The following TPM3 variants were observed in gnomAD, a reference collection of about 807,000 sequenced individuals.
The protein encoded by TPM3 is tropomyosin alpha-3 chain.
Under a neutral mutation model 43.1 loss-of-function variants are expected in TPM3, and 16 were observed. That is an observed-to-expected ratio of 0.37 (90% CI 0.25 to 0.56). The LOEUF (loss-of-function observed/expected upper bound fraction) is 0.56. TPM3 is among the 20% of genes least tolerant of loss of function. The pLI, the probability that TPM3 is intolerant of heterozygous loss-of-function variation, is 0.77. For missense variants in TPM3, 176 were observed against 337.2 expected (o/e 0.52, Z 3.74); for synonymous variants, 101 against 116.9 (o/e 0.86, Z 0.88).
Position 154,165,789 on chromosome 1 carries a change from CAAAAA to C in TPM3, c.*2143_*2147del, listed in dbSNP as rs68185418. Among the ~76,000 whole-genome samples, 1 of 82,228 alleles carries C rather than the reference CAAAAA, an allele frequency of 1.2e-5. No homozygotes were observed. 53.9% of individuals were successfully genotyped at this position (82,228 alleles called of 152,430 possible). A position where few individuals can be genotyped will look rare whatever the true frequency, so the allele number is the denominator to read the frequency against. ...AGGTGACAAGAGTCAAACTCCGTCT[CAAAAA>C]AAAAAAAAAAAAGAAAAAAAGAAAA... On this transcript the variant is annotated 3_prime_UTR_variant, in exon 10 of 10. Transcript: ENST00000651641.
intron 2 of TPM3, among the ~76,000 whole-genome samples, chr1:154,176,653 G>GAAAAAA (rs57237877): frequency 7.8e-6 from 1 of 129,030 alleles, no homozygotes; most frequent in South Asian, 2.4e-4. Flanking sequence ...CATAAAGCAG[G>GAAAAAA]AAAAAAAAAA....
rs1288045011 is a variant in TPM3 at position 154,164,029 on chromosome 1, C to T, written c.*3908G>A. ...ATATGGATTCCCAACTCTCTTATGT[C>T]AACCTCTCTGCCTCACGCCCTAGAA... On this transcript the variant is annotated 3_prime_UTR_variant, in exon 10 of 10. Coordinates refer to ENST00000651641, the MANE Select transcript of TPM3 (RefSeq NM_152263.4). Among the ~76,000 whole-genome samples, 1 of 152,104 alleles carries T rather than the reference C, an allele frequency of 6.6e-6. No individual in the cohort carries two copies. The highest frequency in any genetic ancestry group is 1.5e-5 in the Non-Finnish European group (1 of 68,022).
chr1:154,186,736 A>T lies in TPM3; in HGVS notation c.243+4450T>A, dbSNP rs1663427284. 2.0e-5 allele frequency among the ~76,000 whole-genome samples: 3 copies of T among 151,754 alleles called. 1 individual carries two copies. The highest frequency in any genetic ancestry group is 7.3e-5 in the African/African-American group (3 of 40,986). ...GACATTTAAAAATGGTTAAAATGGT[A>T]AGTTTTATGTATGCGTATTTTACCA... On this transcript the variant is annotated intron_variant, in intron 2 of 9. Transcript: ENST00000651641.
intron 2 of TPM3, 28 bp from the exon 3 acceptor site, chr1:154,176,276 G>T: frequency 1.2e-6 from 2 of 1,614,056 alleles, no homozygotes; most frequent in Non-Finnish European, 1.7e-6. Flanking sequence ...AATGGACAAG[G>T]GAAGCAGAGG....
At chr1:154,172,825 T>G (rs954673855) in intron 5 of TPM3, 83 bp downstream of exon 5, 10 of 1,518,324 alleles carry the variant, frequency 6.6e-6, no homozygotes, top group South Asian at 3.4e-5. Context: ...GTTGAAGGAA[T>G]GCTAATTTAT....
intron 3 of TPM3, among the ~76,000 whole-genome samples, chr1:154,173,851 T>C (rs1045081801): frequency 1.1e-4 from 17 of 151,432 alleles, no homozygotes; most frequent in African/African-American, 4.9e-5. Context: ...TAGCCAGGTG[T>C]GGTGGCAAGC....
intron 2 of TPM3, among the ~76,000 whole-genome samples, chr1:154,186,825 T>C (rs1258786231): frequency 1.3e-5 from 2 of 151,738 alleles, no homozygotes; most frequent in African/African-American, 2.4e-5. Context: ...CGCCTTGCCA[T>C]ACCCTTGCCC....
Position 154,165,660 on chromosome 1 carries a change from G to T in TPM3, c.*2277C>A, listed in dbSNP as rs531348440. 3.3e-5 allele frequency among the ~76,000 whole-genome samples: 5 copies of T among 151,474 alleles called. No homozygotes were observed. The highest frequency in any genetic ancestry group is 1.2e-4 in the African/African-American group (5 of 41,278). On this transcript the variant is annotated 3_prime_UTR_variant, in exon 10 of 10. Transcript: ENST00000651641. Reference sequence around the variant, plus strand: ...AAAAATTAGCTGGGTGTGGTGGCAGGCGCCTGTGATCTCAGCTACTCGGGA... The same window carrying T: ...AAAAATTAGCTGGGTGTGGTGGCAGTCGCCTGTGATCTCAGCTACTCGGGA...
chr1:154,180,768 A>T (rs1033079587), intron 2 of TPM3, among the ~76,000 whole-genome samples: 1 of 151,356 alleles, frequency 6.6e-6, no homozygotes, highest in Admixed American at 6.6e-5. Context: ...ATAAAATAAT[A>T]AAAAAAAATC....
intron 2 of TPM3, among the ~76,000 whole-genome samples, chr1:154,184,326 T>G (rs1663293276): frequency 6.6e-6 from 1 of 152,120 alleles, no homozygotes. Flanking sequence ...TCCCTGTTAC[T>G]TTTGAGAGTC....
intron 2 of TPM3, among the ~76,000 whole-genome samples, chr1:154,178,995 T>C (rs1662652003): frequency 6.6e-6 from 1 of 152,186 alleles, no homozygotes; most frequent in Non-Finnish European, 1.5e-5. Context: ...GGCAAGAAAC[T>C]GACAGTGTGA....
chr1:154,171,430 C>T lies in TPM3; in HGVS notation c.625G>A (p.Glu209Lys). The T allele has an allele frequency of 6.2e-7, 1 of 1,614,156 alleles. No individual in the cohort carries two copies. Among genetic ancestry groups the T allele is most frequent in the Non-Finnish European group, 8.5e-7 (1 of 1,180,004 alleles). Residue 209 changes from glutamate to lysine, a missense_variant, in exon 6 of 10, where the codon GAG (glutamate) becomes AAG (lysine). This residue lies in a region of TPM3 where 53 missense variants were observed against 98.3 expected (regional missense o/e 0.54). Transcript: ENST00000651641. ...KNVTNNLKSL[E>K]AQAEKYSQKE... ...GCCCCTACCTTCTCCGCCTGAGCCTCAAGAGACTTGAGGTTGTTGGTGACA... is the reference window on the plus strand; with the variant it reads ...GCCCCTACCTTCTCCGCCTGAGCCTTAAGAGACTTGAGGTTGTTGGTGACA...
chr1:154,168,749 C>G (rs1439030139), intron 9 of TPM3, among the ~76,000 whole-genome samples: 1 of 152,152 alleles, frequency 6.6e-6, no homozygotes, highest in Non-Finnish European at 1.5e-5. Context: ...TGGTCTTGAA[C>G]TCCTGGCCTC....
chr1:154,182,415 G>A (rs1019974691), intron 2 of TPM3, among the ~76,000 whole-genome samples: 1 of 152,248 alleles, frequency 6.6e-6, no homozygotes, highest in African/African-American at 2.4e-5. Context: ...AGGGAGGGAG[G>A]GCACCGCGCT....
At chr1:154,161,131 T>TAAAAAAAAAAAAAAA (rs953940037), downstream of TPM3, among the ~76,000 whole-genome samples, 6 of 85,084 alleles carry the variant, frequency 7.1e-5, no homozygotes, top group African/African-American at 2.3e-4. Context: ...ATGCAAATAT[T>TAAAAAAAAAAAAAAA]AAAAAAAAAA....
downstream of TPM3, chr1:154,156,660 G>A (rs1040066981): frequency 2.1e-4 from 40 of 194,098 alleles, no homozygotes; most frequent in African/African-American, 9.0e-4. Flanking sequence ...CCAAAGCAAA[G>A]TTTCAAAATA....
chr1:154,175,719 C>T (rs1167142462), intron 3 of TPM3, among the ~76,000 whole-genome samples: 1 of 152,086 alleles, frequency 6.6e-6, no homozygotes, highest in Non-Finnish European at 1.5e-5. Context: ...ACTGGTGATC[C>T]CATTTTAAGG....
chr1:154,182,371 G>A (rs1340259933), intron 2 of TPM3, among the ~76,000 whole-genome samples: 1 of 152,214 alleles, frequency 6.6e-6, no homozygotes, highest in Non-Finnish European at 1.5e-5. Flanking sequence ...CTGGCCAGAG[G>A]ATGAGAGGCG....
rs1176504308 is a variant in TPM3, at chr1:154,174,376, A to G, written c.378-1175T>C. On this transcript the variant is annotated intron_variant, in intron 3 of 9. Coordinates refer to ENST00000651641, the MANE Select transcript of TPM3 (RefSeq NM_152263.4). ...ATTATTTAAATATATGTGTATATAT[A>G]TATATATATATATATATATATATAT... 3.2e-3 allele frequency among the ~76,000 whole-genome samples: 247 copies of G among 76,524 alleles called. 10 individuals are homozygous for G. Among genetic ancestry groups the G allele is most frequent in the East Asian group, 0.01 (16 of 1,596 alleles). 50.2% of individuals were successfully genotyped at this position (76,524 alleles called of 152,430 possible). A position where few individuals can be genotyped will look rare whatever the true frequency, so the allele number is the denominator to read the frequency against.
Sources: allele counts gnomAD v4.1 joint callset (sites outside exome capture counted in the v4.1 genomes callset), GRCh38; gene constraint gnomAD v4.1.1; regional missense constraint gnomAD v4.1.1; transcripts MANE v1.5; gene names NCBI Gene and HGNC (gene_info 2026-07-23, HGNC 2026-07-21).